Variants in FAM174A observed in about 807,000 individuals in gnomAD.
FAM174A encodes membrane protein FAM174A.
In FAM174A, 14 loss-of-function variants were observed where a neutral mutation model predicts 14.3. The observed-to-expected ratio is 0.98, with a 90% CI of 0.65 to 1.53. The LOEUF (loss-of-function observed/expected upper bound fraction) is 1.53, where lower values mean the gene tolerates loss of function less well. Ranked by LOEUF, FAM174A falls within the 40% of genes most tolerant of loss-of-function variation. The probability of loss-of-function intolerance (pLI) is 0.00; values close to 1 mark genes in which losing one functional copy is unlikely to be tolerated. For synonymous variants in FAM174A, 108 were observed against 111.4 expected, an observed-to-expected ratio of 0.97 and a Z score of 0.19; for missense variants, 241 against 249.6, an observed-to-expected ratio of 0.97 and a Z score of 0.23.
intron 1 of FAM174A, among the ~76,000 whole-genome samples, chr5:100,537,081 C>T (rs1745955831): frequency 6.6e-6 from 1 of 152,136 alleles, no homozygotes; most frequent in African/African-American, 2.4e-5. Context: ...AACTGCTTGT[C>T]AAGTTTTGGT....
chr5:100,548,427 G>A (rs912553782), intron 1 of FAM174A, among the ~76,000 whole-genome samples: 2 of 152,160 alleles, frequency 1.3e-5, no homozygotes, highest in African/African-American at 4.8e-5. Context: ...ACTACATAAG[G>A]ATGAACTAGA....
At chr5:100,566,091 G>A (rs1370333940) in intron 2 of FAM174A, among the ~76,000 whole-genome samples, 1 of 138,246 alleles carries the variant, frequency 7.2e-6, no homozygotes, top group East Asian at 2.2e-4. Context: ...TGAGATTTAG[G>A]TGGGGGCACA....
intron 1 of FAM174A, among the ~76,000 whole-genome samples, chr5:100,544,448 A>G (rs1301707371): frequency 6.6e-6 from 1 of 152,128 alleles, no homozygotes; most frequent in Non-Finnish European, 1.5e-5. Flanking sequence ...AGAGACAGAG[A>G]GAGAAGGAGA....
chr5:100,546,059 T>C lies in FAM174A; in HGVS notation c.434+10095T>C, dbSNP rs938094098. 2.0e-5 allele frequency among the ~76,000 whole-genome samples: 3 copies of C among 152,210 alleles called. 1 individual carries two copies. The highest frequency in any genetic ancestry group is 1.3e-4 in the Admixed American group (2 of 15,274). ...GTATTTTAATCAGGATAGTACAAGC[T>C]ACAGTTGAACAAACAACTTCAATCT... On this transcript the variant is annotated intron_variant, in intron 1 of 2. Transcript: ENST00000312637.
At chr5:100,577,977 G>T (rs1746934829) in intron 2 of FAM174A, among the ~76,000 whole-genome samples, 1 of 152,102 alleles carries the variant, frequency 6.6e-6, no homozygotes, top group African/African-American at 2.4e-5. Flanking sequence ...AGAGAAAGAA[G>T]AGGTATCCAG....
At chr5:100,542,484 A>T (rs1217460778) in intron 1 of FAM174A, among the ~76,000 whole-genome samples, 1 of 152,202 alleles carries the variant, frequency 6.6e-6, no homozygotes, top group Non-Finnish European at 1.5e-5. Context: ...TTATGAGCTC[A>T]ATTGACCTTA....
chr5:100,550,678 G>A (rs771390434), intron 1 of FAM174A, among the ~76,000 whole-genome samples: 1 of 152,158 alleles, frequency 6.6e-6, no homozygotes. Context: ...TAAAGGACAT[G>A]TATATAGTTT....
intron 1 of FAM174A, among the ~76,000 whole-genome samples, chr5:100,541,362 A>G (rs1189856359): frequency 6.6e-6 from 1 of 152,142 alleles, no homozygotes; most frequent in Non-Finnish European, 1.5e-5. Flanking sequence ...TAACATAACA[A>G]AAACTATTAT....
chr5:100,565,361 A>G (rs1229221013), intron 2 of FAM174A, among the ~76,000 whole-genome samples: 1 of 151,920 alleles, frequency 6.6e-6, no homozygotes, highest in African/African-American at 2.4e-5. Context: ...CCAAGTAGAT[A>G]ATCATCAGAG....
intron 2 of FAM174A, among the ~76,000 whole-genome samples, chr5:100,562,579 G>GGT (rs1453273543): frequency 2.0e-5 from 3 of 150,712 alleles, no homozygotes; most frequent in Admixed American, 6.6e-5. Flanking sequence ...TATTAACTTG[G>GGT]GTGTGTGTGT....
chr5:100,568,644 T>A (rs1419950689), intron 2 of FAM174A, among the ~76,000 whole-genome samples: 1 of 149,976 alleles, frequency 6.7e-6, no homozygotes, highest in Non-Finnish European at 1.5e-5. Flanking sequence ...TCAATACTTT[T>A]ACTAATTGGT....
At chr5:100,560,471 T>A (rs1184957644) in intron 1 of FAM174A, among the ~76,000 whole-genome samples, 2 of 152,102 alleles carry the variant, frequency 1.3e-5, no homozygotes, top group African/African-American at 4.8e-5. Flanking sequence ...CTGTTTCCTG[T>A]TCCATCACTT....
chr5:100,566,645 C>T (rs565198738), intron 2 of FAM174A, among the ~76,000 whole-genome samples: 3 of 151,860 alleles, frequency 2.0e-5, no homozygotes, highest in East Asian at 3.9e-4. Context: ...TGTTGATTAG[C>T]ATGATTGCAG....
intron 1 of FAM174A, among the ~76,000 whole-genome samples, chr5:100,537,062 T>C (rs1242130497): frequency 5.3e-5 from 8 of 152,250 alleles, no homozygotes. Context: ...TTGCAACTAA[T>C]CTTTAAGAAA....
intron 1 of FAM174A, among the ~76,000 whole-genome samples, chr5:100,541,656 G>T (rs1746055755): frequency 6.6e-6 from 1 of 151,890 alleles, no homozygotes; most frequent in Non-Finnish European, 1.5e-5. Context: ...CATTAAGGAG[G>T]GAATCTAAAT....
intron 2 of FAM174A, among the ~76,000 whole-genome samples, chr5:100,584,627 A>G (rs1747090988): frequency 6.6e-6 from 1 of 152,220 alleles, no homozygotes; most frequent in African/African-American, 2.4e-5. Context: ...AAATCATGTT[A>G]GAGTCTGTAG....
intron 2 of FAM174A, among the ~76,000 whole-genome samples, chr5:100,572,575 A>G (rs528559637): frequency 1.1e-3 from 161 of 152,106 alleles, no homozygotes; most frequent in Non-Finnish European, 2.0e-3. Context: ...TACAAAGGAC[A>G]TGAACTCATC....
At chr5:100,573,447 A>G (rs1746836644) in intron 2 of FAM174A, among the ~76,000 whole-genome samples, 1 of 152,010 alleles carries the variant, frequency 6.6e-6, no homozygotes, top group African/African-American at 2.4e-5. Flanking sequence ...TAAGGAAGGG[A>G]TCCAGTTTCA....
At chr5:100,572,930 G>T (rs984075588) in intron 2 of FAM174A, among the ~76,000 whole-genome samples, 2 of 151,968 alleles carry the variant, frequency 1.3e-5, no homozygotes, top group South Asian at 2.1e-4. Flanking sequence ...CCTGACTTTT[G>T]AATGATTGCC....
Sources: allele counts gnomAD v4.1 joint callset (sites outside exome capture counted in the v4.1 genomes callset), GRCh38; gene constraint gnomAD v4.1.1; transcripts MANE v1.5; gene names NCBI Gene and HGNC (gene_info 2026-07-23, HGNC 2026-07-21).